The following CEP162 variants were observed in gnomAD, a reference collection of about 807,000 sequenced individuals.
The protein encoded by CEP162 is centrosomal protein of 162 kDa.
In CEP162, 141 loss-of-function variants were observed where a neutral mutation model predicts 169.2. That is an observed-to-expected ratio of 0.83 (90% CI 0.73 to 0.96). The LOEUF (loss-of-function observed/expected upper bound fraction) is 0.96. Ranked by LOEUF, CEP162 falls within the 40% of genes least tolerant of loss-of-function variation. CEP162 has a pLI of 0.00. For missense variants in CEP162, 1,600 were observed against 1,587.2 expected, an observed-to-expected ratio of 1.01 and a Z score of -0.14; for synonymous variants, 540 against 526.4, an observed-to-expected ratio of 1.03 and a Z score of -0.35.
chr6:84,131,585 C>G (rs1241439031), intron 25 of CEP162, among the ~76,000 whole-genome samples: 2 of 152,164 alleles, frequency 1.3e-5, no homozygotes, highest in Non-Finnish European at 2.9e-5. Context: ...GAATTGATCC[C>G]TTTACCATTA....
chr6:84,135,201 G>A (rs2099513463), intron 25 of CEP162, among the ~76,000 whole-genome samples: 1 of 152,142 alleles, frequency 6.6e-6, no homozygotes, highest in South Asian at 2.1e-4. Context: ...AAAAACACAT[G>A]CATAGTGAAT....
intron 6 of CEP162, among the ~76,000 whole-genome samples, chr6:84,211,784 A>T (rs899148433): frequency 1.3e-5 from 2 of 151,832 alleles, no homozygotes; most frequent in Non-Finnish European, 2.9e-5. Flanking sequence ...TATGGCCAAA[A>T]TATTTTTTAT....
At position 84,193,542 on chromosome 6, in the gene CEP162, A is replaced by G. The variant is rs1048973599; in HGVS notation, c.1109+67T>C. On this transcript the variant is annotated intron_variant, in intron 11 of 26. Transcript: ENST00000403245. ...TATTAGTCATTAATCATTCACTAGG[A>G]ATGATTACATAGAACAAATGACTAT... 34 of 904,152 alleles carry G rather than the reference A, an allele frequency of 3.8e-5. 1 individual carries two copies. The highest frequency in any genetic ancestry group is 1.5e-4 in the South Asian group (10 of 64,854). The allele number at this position is 904,152 out of a possible 1,614,324, so 56.0% of individuals were successfully genotyped here.
At chr6:84,144,325 T>C (rs534323700) in intron 25 of CEP162, among the ~76,000 whole-genome samples, 1 of 152,168 alleles carries the variant, frequency 6.6e-6, no homozygotes, top group South Asian at 2.1e-4. Context: ...ATACAATTCC[T>C]AAAAATCTGG....
Position 84,153,080 on chromosome 6 carries a change from C to T in CEP162, c.3094G>A (p.Asp1032Asn), listed in dbSNP as rs758112411. The change falls in exon 23 of 27, where the codon GAT becomes AAT. Residue 1032 changes from aspartate (D) to asparagine (N), a missense_variant. Transcript: ENST00000403245. ...PRIKALEKEL[D>N]DIKEAHQITV... is the part of the protein sequence containing the mutation. ...ATCTGATGGGCTTCCTTGATGTCAT[C>T]AAGTTCCTTCTCTAGGGCTTTAATT... The T allele has an allele frequency of 1.9e-6, 3 of 1,613,344 alleles. No homozygotes were observed. The South Asian group carries it at 3.3e-5, about 18-fold the overall frequency.
chr6:84,212,744 AACCAGCTAT>A (rs2099549998), intron 6 of CEP162, among the ~76,000 whole-genome samples: 1 of 152,098 alleles, frequency 6.6e-6, no homozygotes, highest in Admixed American at 6.5e-5. Context: ...AAAATGCTAA[AACCAGCTAT>A]ATGCAGTCTA....
intron 23 of CEP162, among the ~76,000 whole-genome samples, chr6:84,150,424 A>G (rs2099520664): frequency 6.6e-6 from 1 of 152,174 alleles, no homozygotes; most frequent in Non-Finnish European, 1.5e-5. Flanking sequence ...CTGTTGCTAT[A>G]TATTAATATG....
chr6:84,149,721 GA>G lies in CEP162; in HGVS notation c.3630-19del. The G allele has an allele frequency of 6.8e-7, 1 of 1,465,390 alleles. No homozygotes were observed. Among genetic ancestry groups the G allele is most frequent in the South Asian group, 1.5e-5 (1 of 65,660 alleles). 90.8% of individuals were successfully genotyped at this position (1,465,390 alleles called of 1,614,324 possible). A position where few individuals can be genotyped will look rare whatever the true frequency, so the allele number is the denominator to read the frequency against. On this transcript the variant is annotated intron_variant, in intron 23 of 26. Transcript: ENST00000403245. ...CCTTGACCCTACAGAGCAAATGAAA[GA>G]AAACCACACATAAAAGTGGCTCTTC...
At position 84,174,854 on chromosome 6, in the gene CEP162, A is replaced by G. The variant is rs143878164; in HGVS notation, c.1898T>C (p.Ile633Thr). Reference sequence around the variant, plus strand: ...TGAGAATGTGGCTTTAATTTGCTCAATTAGGGCTTGCGCACCCCTCCATTT... The same window carrying G: ...TGAGAATGTGGCTTTAATTTGCTCAGTTAGGGCTTGCGCACCCCTCCATTT... Reference protein sequence around the residue: ...EDKWRGAQALIEQIKATFSEK... With the variant: ...EDKWRGAQALTEQIKATFSEK... The change falls in exon 15 of 27, where the codon ATT becomes ACT. Residue 633 changes from isoleucine (I) to threonine (T), a missense_variant. Transcript: ENST00000403245. The G allele has an allele frequency of 8.2e-5, 125 of 1,529,312 alleles. No individual in the cohort carries two copies. Among genetic ancestry groups the G allele is most frequent in the Non-Finnish European group, 1.1e-4 (119 of 1,122,670 alleles). 94.7% of individuals were successfully genotyped at this position (1,529,312 alleles called of 1,614,324 possible).
At chr6:84,139,383 G>A (rs1341432437) in intron 25 of CEP162, among the ~76,000 whole-genome samples, 2 of 152,150 alleles carry the variant, frequency 1.3e-5, no homozygotes, top group Non-Finnish European at 2.9e-5. Flanking sequence ...ACTGTTTTGA[G>A]TTACTTTTCA....
intron 24 of CEP162, among the ~76,000 whole-genome samples, chr6:84,148,224 C>A (rs1195450110): frequency 6.6e-6 from 1 of 151,838 alleles, no homozygotes; most frequent in African/African-American, 2.4e-5. Flanking sequence ...TTTTTCTCAG[C>A]GATCTGAAGT....
intron 13 of CEP162, among the ~76,000 whole-genome samples, chr6:84,176,144 A>T (rs1276308987): frequency 6.6e-6 from 1 of 150,918 alleles, no homozygotes. Flanking sequence ...TAAATTAAGA[A>T]TTTCAAAATT....
At chr6:84,196,703 T>C (rs1469205300) in intron 9 of CEP162, among the ~76,000 whole-genome samples, 3 of 152,144 alleles carry the variant, frequency 2.0e-5, no homozygotes, top group African/African-American at 7.2e-5. Context: ...ATAGTATATA[T>C]AGTCTCATCT....
chr6:84,203,268 C>A (rs1046310492), intron 7 of CEP162, among the ~76,000 whole-genome samples: 77 of 152,134 alleles, frequency 5.1e-4, no homozygotes, highest in African/African-American at 1.8e-3. Flanking sequence ...AAGTTTCAGA[C>A]GTTAATGTTG....
At chr6:84,130,578 A>G (rs1185308167) in intron 25 of CEP162, among the ~76,000 whole-genome samples, 1 of 152,122 alleles carries the variant, frequency 6.6e-6, no homozygotes, top group Non-Finnish European at 1.5e-5. Flanking sequence ...TTCCTCGTTT[A>G]GACTTGGGAG....
chr6:84,127,293 TCTATGAAAACAC>T (rs2099509330), intron 25 of CEP162, among the ~76,000 whole-genome samples: 1 of 151,994 alleles, frequency 6.6e-6, no homozygotes, highest in East Asian at 1.9e-4. Flanking sequence ...ACTCTTGTTT[TCTATGAAAACAC>T]CTATTAATAA....
chr6:84,214,799 A>C (rs1260996478), intron 5 of CEP162, among the ~76,000 whole-genome samples: 3 of 152,214 alleles, frequency 2.0e-5, no homozygotes, highest in Non-Finnish European at 2.9e-5. Context: ...AGTGTAATAA[A>C]GAGAGGACCA....
intron 23 of CEP162, 24 bp downstream of exon 23, chr6:84,152,521 T>C: frequency 1.6e-6 from 2 of 1,221,204 alleles, no homozygotes; most frequent in Non-Finnish European, 2.2e-6. Context: ...TTTACAAATA[T>C]TTATAAATAA....
At chr6:84,142,512 C>G (rs1307696686) in intron 25 of CEP162, among the ~76,000 whole-genome samples, 1 of 152,062 alleles carries the variant, frequency 6.6e-6, no homozygotes, top group Non-Finnish European at 1.5e-5. Flanking sequence ...AAAAGAAGCA[C>G]TTACACAAAT....
Sources: allele counts gnomAD v4.1 joint callset (sites outside exome capture counted in the v4.1 genomes callset), GRCh38; gene constraint gnomAD v4.1.1; transcripts MANE v1.5; gene names NCBI Gene and HGNC (gene_info 2026-07-23, HGNC 2026-07-21).